FSHR: variants seen among roughly 807,000 people sequenced by gnomAD.
FSHR encodes follicle-stimulating hormone receptor.
A neutral mutation model predicts 52.1 loss-of-function variants in FSHR; 46 were observed. The observed-to-expected ratio is 0.88, with a 90% CI of 0.70 to 1.13. The LOEUF (loss-of-function observed/expected upper bound fraction) is 1.13. FSHR is among the 50% of genes most tolerant of loss of function. The pLI is 0.00. For missense variants in FSHR, 964 were observed against 834.6 expected, an observed-to-expected ratio of 1.16 and a Z score of -1.91; for synonymous variants, 399 against 309.6, an observed-to-expected ratio of 1.29 and a Z score of -3.03.
intron 1 of FSHR, among the ~76,000 whole-genome samples, chr2:49,102,114 C>A (rs1407273351): frequency 6.6e-6 from 1 of 152,114 alleles, no homozygotes; most frequent in Admixed American, 6.6e-5. Context: ...GGAAGCTAAG[C>A]ATGATGGGCA....
intron 2 of FSHR, among the ~76,000 whole-genome samples, chr2:49,028,775 C>T (rs1667997173): frequency 6.6e-6 from 1 of 152,088 alleles, no homozygotes; most frequent in South Asian, 2.1e-4. Flanking sequence ...TGGAGGTGCC[C>T]AGAACAACCT....
intron 4 of FSHR, among the ~76,000 whole-genome samples, chr2:49,013,332 G>A (rs1380552211): frequency 6.6e-6 from 1 of 151,390 alleles, no homozygotes; most frequent in Non-Finnish European, 1.5e-5. Flanking sequence ...TGAGGTGGAA[G>A]CTTAATTAGG....
chr2:49,130,941 C>T (rs1009839926), intron 1 of FSHR, among the ~76,000 whole-genome samples: 4 of 151,998 alleles, frequency 2.6e-5, no homozygotes, highest in Admixed American at 2.0e-4. Flanking sequence ...ATTATGATTC[C>T]GGGGAGGTAA....
At position 48,962,818 on chromosome 2, in the gene FSHR, C is replaced by T. The variant is rs1182666505; in HGVS notation, c.2003G>A (p.Arg668Lys). ...TSSTVHNTHPRNGHCSSAPRV... is the reference protein window; with the variant it reads ...TSSTVHNTHPKNGHCSSAPRV... ...GGGAGCTGAAGAGCAGTGGCCATTC[C>T]TTGGATGGGTGTTGTGGACAGTGGA... is the stretch of plus-strand genomic sequence containing the variant. Residue 668 changes from arginine to lysine, a missense_variant, in exon 10 of 10, where the codon AGG (arginine) becomes AAG (lysine). By Grantham distance (26) the Arg-to-Lys change is conservative. Transcript: ENST00000406846. 1.9e-6 allele frequency: 3 copies of T among 1,614,040 alleles called. No individual in the cohort carries two copies. The highest frequency in any genetic ancestry group is 1.3e-5 in the African/African-American group (1 of 74,918).
At chr2:49,016,161 G>A (rs1922467) in intron 4 of FSHR, among the ~76,000 whole-genome samples, 3,391 of 152,190 alleles carry the variant, frequency 0.022, 84 homozygotes, top group African/African-American at 0.063. Flanking sequence ...GCACAGAATC[G>A]TAATATCATT....
chr2:49,021,876 T>TATATATATAG (rs774490418), intron 2 of FSHR, among the ~76,000 whole-genome samples: 3 of 65,190 alleles, frequency 4.6e-5, no homozygotes. Context: ...TATATATATA[T>TATATATATAG]ATATATATAT....
At chr2:49,018,510 G>A (rs1427124508) in intron 3 of FSHR, among the ~76,000 whole-genome samples, 3 of 152,212 alleles carry the variant, frequency 2.0e-5, no homozygotes, top group Admixed American at 1.3e-4. Flanking sequence ...TTTATGCAAG[G>A]AAGAGATGAA....
At chr2:49,049,638 G>A (rs1036578934) in intron 2 of FSHR, among the ~76,000 whole-genome samples, 1 of 152,022 alleles carries the variant, frequency 6.6e-6, no homozygotes, top group South Asian at 2.1e-4. Flanking sequence ...CCTCCTGCCT[G>A]TATTCTTACT....
intron 1 of FSHR, among the ~76,000 whole-genome samples, chr2:49,148,362 G>A (rs1366171469): frequency 6.6e-6 from 1 of 152,084 alleles, no homozygotes; most frequent in East Asian, 1.9e-4. Context: ...AAAGCTATCC[G>A]ATCCTATACT....
chr2:49,140,033 G>T (rs900937821), intron 1 of FSHR, among the ~76,000 whole-genome samples: 4 of 152,116 alleles, frequency 2.6e-5, no homozygotes, highest in African/African-American at 9.7e-5. Context: ...CCAGCTTAGT[G>T]CTTCTCAGAT....
chr2:49,081,310 G>T (rs1364325600), intron 1 of FSHR, among the ~76,000 whole-genome samples: 7 of 151,774 alleles, frequency 4.6e-5, no homozygotes, highest in Non-Finnish European at 8.8e-5. Flanking sequence ...TCACTTCTGT[G>T]ACAAGAAGTA....
At chr2:49,082,574 A>C (rs909541248) in intron 1 of FSHR, among the ~76,000 whole-genome samples, 1 of 152,174 alleles carries the variant, frequency 6.6e-6, no homozygotes, top group Non-Finnish European at 1.5e-5. Flanking sequence ...TTCAAACCAA[A>C]GGCAAAGAAG....
chr2:49,142,905 G>A lies in FSHR; in HGVS notation c.152+11361C>T, dbSNP rs139937231. ...TTTATACAGATGATGAAGGCTGGGA[G>A]AAGAGATTCTGTGGGGCTTAAAGGA... is the stretch of plus-strand genomic sequence containing the variant. On this transcript the variant is annotated intron_variant, in intron 1 of 9. Coordinates refer to ENST00000406846, the MANE Select transcript of FSHR (RefSeq NM_000145.4). Among the ~76,000 whole-genome samples, 543 of 152,280 alleles carry A rather than the reference G, an allele frequency of 3.6e-3. 2 individuals carry two copies. The highest frequency in any genetic ancestry group is 0.012 in the African/African-American group (498 of 41,562).
chr2:49,017,324 T>C (rs1483044022), intron 4 of FSHR, among the ~76,000 whole-genome samples, 165 bp downstream of exon 4: 1 of 152,142 alleles, frequency 6.6e-6, no homozygotes, highest in Admixed American at 6.5e-5. Context: ...AATTTGCTCA[T>C]TAAACTAAAA....
intron 2 of FSHR, among the ~76,000 whole-genome samples, chr2:49,050,251 C>G (rs1414791440): frequency 6.6e-6 from 1 of 152,120 alleles, no homozygotes; most frequent in East Asian, 1.9e-4. Context: ...AACTTAACAG[C>G]AAGCTCAGTT....
Position 49,082,502 on chromosome 2 carries a change from A to C in FSHR, c.153-14212T>G, listed in dbSNP as rs1670213538. Among the ~76,000 whole-genome samples the C allele has an allele frequency of 9.8e-5, 15 of 152,336 alleles. No homozygotes were observed. The South Asian group carries it at 3.1e-3, about 32-fold the overall frequency. ...CGGAACAAAGCTGGACGGAGAATGA[A>C]TTTGACGAGCTGAGAGAAGAATGCT... On this transcript the variant is annotated intron_variant, in intron 1 of 9. Transcript: ENST00000406846.
chr2:49,108,313 C>G (rs1165927264), intron 1 of FSHR, among the ~76,000 whole-genome samples: 1 of 152,118 alleles, frequency 6.6e-6, no homozygotes, highest in African/African-American at 2.4e-5. Flanking sequence ...ACTTCTCAGC[C>G]TCCATGATCA....
intron 1 of FSHR, among the ~76,000 whole-genome samples, chr2:49,152,611 G>C (rs959757479): frequency 6.6e-6 from 1 of 152,052 alleles, no homozygotes; most frequent in Non-Finnish European, 1.5e-5. Flanking sequence ...TCAGAAAGCA[G>C]ACAGGCTAGT....
chr2:49,084,194 C>G (rs1334095692), intron 1 of FSHR, among the ~76,000 whole-genome samples: 2 of 151,788 alleles, frequency 1.3e-5, no homozygotes, highest in African/African-American at 2.4e-5. Context: ...AAGAATCTCA[C>G]TCAAAACCGC....
Sources: gnomAD v4.1 joint callset for allele counts (sites outside exome capture counted in the v4.1 genomes callset) on GRCh38, gnomAD v4.1.1 for gene constraint, MANE v1.5 for transcripts, NCBI Gene and HGNC (gene_info 2026-07-23, HGNC 2026-07-21) for gene names.